TCF25: variants seen among roughly 807,000 people sequenced by gnomAD.
TCF25 encodes ribosome quality control complex subunit TCF25.
Under a neutral mutation model 83.1 loss-of-function variants are expected in TCF25, and 41 were observed. The ratio of observed to expected loss-of-function variants is 0.49; its 90% CI spans 0.38 to 0.64. The LOEUF (loss-of-function observed/expected upper bound fraction) is 0.64, where lower values mean the gene tolerates loss of function less well. Ranked by LOEUF, TCF25 falls within the 30% of genes least tolerant of loss-of-function variation. TCF25 has a pLI of 0.00. For missense variants in TCF25, 979 were observed against 914.5 expected, an observed-to-expected ratio of 1.07 and a Z score of -0.91; for synonymous variants, 458 against 365.0, an observed-to-expected ratio of 1.25 and a Z score of -2.90.
At chr16:89,900,094 T>G (rs1007413635) in intron 11 of TCF25, among the ~76,000 whole-genome samples, 3 of 152,168 alleles carry the variant, frequency 2.0e-5, no homozygotes, top group African/African-American at 7.2e-5. Context: ...TGATGGTGTT[T>G]AAGGTCACAA....
Position 89,896,549 on chromosome 16 carries a change from ATTT to A in TCF25, c.1022+486_1022+488del, listed in dbSNP as rs869089266. 7.7e-3 allele frequency among the ~76,000 whole-genome samples: 862 copies of A among 112,330 alleles called. 16 individuals are homozygous for A. The highest frequency in any genetic ancestry group is 0.076 in the South Asian group (262 of 3,448). The allele number at this position is 112,330 out of a possible 152,430, so 73.7% of individuals were successfully genotyped here. On this transcript the variant is annotated intron_variant, in intron 9 of 17. Coordinates refer to ENST00000263346, the MANE Select transcript of TCF25 (RefSeq NM_014972.3). ...TGGCAACATGCAGTCTCAAAACAGC[ATTT>A]TTTTTTTTTTTTTTTTTTTGAGACG...
chr16:89,899,574 C>G (rs1448794783), intron 11 of TCF25, among the ~76,000 whole-genome samples: 1 of 151,976 alleles, frequency 6.6e-6, no homozygotes, highest in South Asian at 2.1e-4. Flanking sequence ...ACTAAAAATA[C>G]AAAATTAGCT....
rs546481867 is a variant in TCF25 at position 89,909,489 on chromosome 16, G to A, written c.1800-1102G>A. On this transcript the variant is annotated intron_variant, in intron 16 of 17. Transcript: ENST00000263346. ...TCGTGCCACTGCACTCCATCCTGGC[G>A]ACAGAGGAAGACTCCGTCTCAAAAA... The A allele has an allele frequency of 6.9e-3, 941 of 136,552 alleles. 5 individuals are homozygous for A. The highest frequency in any genetic ancestry group is 0.01 in the Non-Finnish European group (678 of 65,586). The allele number at this position is 136,552 out of a possible 1,614,324, so 8.5% of individuals were successfully genotyped here.
chr16:89,898,809 C>G lies in TCF25; in HGVS notation c.1158C>G (p.Ile386Met). 6.2e-7 allele frequency: 1 copy of G among 1,613,944 alleles called. No individual in the cohort carries two copies. The highest frequency in any genetic ancestry group is 1.3e-5 in the African/African-American group (1 of 75,072). The change falls in exon 11 of 18, where the codon ATC (isoleucine) becomes ATG (methionine). Residue 386 changes from isoleucine to methionine, a missense_variant. Coordinates refer to ENST00000263346, the MANE Select transcript of TCF25 (RefSeq NM_014972.3). ...DEDPLCMLLL[I>M]DHLALRARNY... is the part of the protein sequence containing the mutation. ...ACCCCCTCTGCATGCTGCTGCTCAT[C>G]GACCACCTGGCCTTGCGGGCCCGGA...
At chr16:89,895,233 A>G (rs773187693) in intron 8 of TCF25, 96 bp downstream of exon 8, 22 of 1,149,258 alleles carry the variant, frequency 1.9e-5, no homozygotes, top group Non-Finnish European at 2.5e-5. Context: ...GGTTGCCAGG[A>G]TATCCATGAC....
chr16:89,892,012 C>T (rs1052588402), intron 5 of TCF25, among the ~76,000 whole-genome samples, 181 bp from the exon 6 acceptor site: 1 of 152,114 alleles, frequency 6.6e-6, no homozygotes, highest in Non-Finnish European at 1.5e-5. Context: ...CTGCTGCACC[C>T]GTCCCACAGC....
At chr16:89,910,469 C>A in intron 16 of TCF25, 122 bp from the exon 17 acceptor site, 2 of 939,642 alleles carry the variant, frequency 2.1e-6, no homozygotes, top group East Asian at 2.5e-5. Context: ...TGCTGCTCTG[C>A]CCCCTGGCGG....
chr16:89,879,360 G>A (rs1476921072), intron 1 of TCF25, among the ~76,000 whole-genome samples: 2 of 149,864 alleles, frequency 1.3e-5, no homozygotes, highest in Admixed American at 6.6e-5. Flanking sequence ...CCTGTCACAC[G>A]TGCTGTCCGT....
intron 1 of TCF25, among the ~76,000 whole-genome samples, chr16:89,881,223 G>A (rs985687921): frequency 1.3e-5 from 2 of 152,146 alleles, no homozygotes; most frequent in Non-Finnish European, 2.9e-5. Context: ...AACCGCAGCC[G>A]GGGTGTCTGT....
intron 9 of TCF25, among the ~76,000 whole-genome samples, chr16:89,896,585 ACT>A (rs1433475074): frequency 7.8e-6 from 1 of 127,592 alleles, no homozygotes; most frequent in Non-Finnish European, 1.6e-5. Context: ...ACGGAGTCTC[ACT>A]CTGTCACCCA....
chr16:89,910,786 C>G (rs1567750863), intron 17 of TCF25, 123 bp downstream of exon 17: 1 of 1,191,618 alleles, frequency 8.4e-7, no homozygotes, highest in East Asian at 2.4e-5. Context: ...CAGGGAAGGA[C>G]CAAGGCTGCA....
At chr16:89,906,167 C>T (rs764982013) in intron 14 of TCF25, 27 bp from the exon 15 acceptor site, 1 of 1,602,756 alleles carries the variant, frequency 6.2e-7, no homozygotes, top group African/African-American at 1.3e-5. Flanking sequence ...GCTTTATCTG[C>T]TGTGCCTTGT....
chr16:89,878,173 G>T (rs559421589), intron 1 of TCF25, among the ~76,000 whole-genome samples: 2 of 152,196 alleles, frequency 1.3e-5, no homozygotes, highest in Non-Finnish European at 2.9e-5. Context: ...ACAGCTACTC[G>T]GGAGGCTGAG....
At chr16:89,876,898 C>T (rs1488706494) in intron 1 of TCF25, among the ~76,000 whole-genome samples, 1 of 145,470 alleles carries the variant, frequency 6.9e-6, no homozygotes, top group Non-Finnish European at 1.5e-5. Flanking sequence ...CACTGCACTC[C>T]AGCCTGGGCA....
intron 11 of TCF25, 140 bp downstream of exon 11, chr16:89,899,012 C>A: frequency 1.2e-6 from 1 of 802,442 alleles, no homozygotes. Flanking sequence ...CGTCCTCCTG[C>A]CTTGTTTGTC....
intron 1 of TCF25, chr16:89,878,710 A>G (rs1022250944): frequency 1.0e-6 from 1 of 960,126 alleles, no homozygotes; most frequent in Non-Finnish European, 1.3e-6. Context: ...GCACCATCTC[A>G]GCTCACTGCA....
At chr16:89,882,045 C>T (rs1006189733) in intron 1 of TCF25, among the ~76,000 whole-genome samples, 3 of 152,172 alleles carry the variant, frequency 2.0e-5, no homozygotes, top group African/African-American at 4.8e-5. Flanking sequence ...GCACCGCCAC[C>T]GTGCCCGGTC....
rs778443991 is a variant in TCF25 at position 89,907,252 on chromosome 16, A to G, written c.1729A>G (p.Thr577Ala). 2.5e-5 allele frequency: 41 copies of G among 1,612,348 alleles called. No individual in the cohort carries two copies. Among genetic ancestry groups the G allele is most frequent in the Non-Finnish European group, 3.4e-5 (40 of 1,179,274 alleles). The change falls in exon 16 of 18, where the codon ACG becomes GCG. Residue 577 changes from threonine to alanine, a missense_variant. Coordinates refer to ENST00000263346, the MANE Select transcript of TCF25 (RefSeq NM_014972.3). ...ATGTCCCTTTCTGAAGGACGTGACC[A>G]CGCAGTCTGTGATGGGGTTTGATCC... Reference protein sequence around the residue: ...AVAALPPDVTTQSVMGFDPLP... With the variant: ...AVAALPPDVTAQSVMGFDPLP...
At chr16:89,892,120 G>A (rs1428461001) in intron 5 of TCF25, 73 bp from the exon 6 acceptor site, 41 of 1,439,284 alleles carry the variant, frequency 2.8e-5, no homozygotes, top group Non-Finnish European at 2.9e-5. Flanking sequence ...GCCCGTGCAG[G>A]GATCAGGCAG....
Sources: gnomAD v4.1 joint callset for allele counts (sites outside exome capture counted in the v4.1 genomes callset) on GRCh38, gnomAD v4.1.1 for gene constraint, MANE v1.5 for transcripts, NCBI Gene and HGNC (gene_info 2026-07-23, HGNC 2026-07-21) for gene names.